ATAD3B: variants seen among roughly 807,000 people sequenced by gnomAD.
ATAD3B encodes the protein ATPase family AAA domain-containing protein 3B.
In ATAD3B, 59 loss-of-function variants were observed where a neutral mutation model predicts 70.2. The observed-to-expected ratio is 0.84, with a 90% CI of 0.68 to 1.04. ATAD3B has a LOEUF of 1.04. Among genes scored for constraint, ATAD3B ranks in the 50% least tolerant of loss-of-function variants. ATAD3B has a pLI of 0.00. For synonymous variants in ATAD3B, 423 were observed against 388.6 expected (o/e 1.09, Z -1.04); for missense variants, 961 against 913.4 (o/e 1.05, Z -0.67).
intron 1 of ATAD3B, among the ~76,000 whole-genome samples, chr1:1,474,181 CTTTT>C (rs1311151288): frequency 6.8e-6 from 1 of 147,976 alleles, no homozygotes; most frequent in East Asian, 2.0e-4. Flanking sequence ...GGTAATTTTT[CTTTT>C]TTCTTTTCTT....
At chr1:1,482,834 T>C in intron 7 of ATAD3B, 1 of 669,158 alleles carries the variant, frequency 1.5e-6, no homozygotes, top group Non-Finnish European at 2.6e-6. Context: ...TGAGACCCCA[T>C]CTCTACGAAG....
chr1:1,498,186 C>A (rs1192029608), downstream of ATAD3B, among the ~76,000 whole-genome samples: 1 of 152,042 alleles, frequency 6.6e-6, no homozygotes, highest in East Asian at 1.9e-4. Context: ...GACTGTAATC[C>A]CAGCTACTCG....
intron 1 of ATAD3B, among the ~76,000 whole-genome samples, chr1:1,476,284 A>G (rs1639584494): frequency 6.8e-6 from 1 of 147,898 alleles, no homozygotes; most frequent in Non-Finnish European, 1.5e-5. Context: ...CCTCTGTCTA[A>G]ATGCAACGAG....
rs780244099 is a variant in ATAD3B, at chr1:1,486,500, C to T, written c.1090-44C>T. 5 of 1,611,728 alleles carry T rather than the reference C, an allele frequency of 3.1e-6. No individual in the cohort carries two copies. The South Asian group carries it at 5.5e-5, about 18-fold the overall frequency. On this transcript the variant is annotated intron_variant, in intron 10 of 15. Transcript: ENST00000673477. ...GTGGAGTGTGCAGGCTTTGCAGAGG[C>T]AGAGGGAACATCTGTTCTGTCTCCC...
Position 1,490,646 on chromosome 1 carries a change from T to A in ATAD3B, c.1589T>A (p.Ile530Asn), listed in dbSNP as rs1449196239. 1 of 1,601,254 alleles carries A rather than the reference T, an allele frequency of 6.2e-7. No individual in the cohort carries two copies. Among genetic ancestry groups the A allele is most frequent in the South Asian group, 1.1e-5 (1 of 89,218 alleles). The change falls in exon 15 of 16, where the codon ATC (isoleucine) becomes AAC (asparagine). Residue 530 changes from isoleucine (I) to asparagine (N), a missense_variant. Ile to Asn is a moderately radical substitution (Grantham distance 149). Transcript: ENST00000673477. ...ACGGAGGGCATGTCGGGCCGGGAGA[T>A]CGCTCAGCTGGCCGTGTCCTGGCAG... Reference protein sequence around the residue: ...RLTEGMSGREIAQLAVSWQAT... With the variant: ...RLTEGMSGRENAQLAVSWQAT...
In ATAD3B at chr1:1,495,467, T is replaced by C; in HGVS notation, c.1615-18T>C. On this transcript the variant is annotated intron_variant, in intron 15 of 15. Coordinates refer to ENST00000673477, the MANE Select transcript of ATAD3B (RefSeq NM_031921.6). ...GGTTCCCATAGCGGCCTCCCTCAGC[T>C]CCCTCTCTCTTCACTAGGCCACGGC... 6.3e-7 allele frequency: 1 copy of C among 1,583,312 alleles called. No individual in the cohort carries two copies. The highest frequency in any genetic ancestry group is 1.3e-5 in the African/African-American group (1 of 74,346).
At chr1:1,508,744 G>A in the ATAD3B span, among the ~76,000 whole-genome samples, 2,160 of 150,698 alleles carry the variant, frequency 0.014, 98 homozygotes, top group African/African-American at 0.05. Context: ...GGTGGGGCAG[G>A]GGTGGCCTTG....
intron 5 of ATAD3B, among the ~76,000 whole-genome samples, chr1:1,481,654 C>T (rs1454074887): frequency 7.4e-6 from 1 of 135,722 alleles, no homozygotes; most frequent in African/African-American, 2.9e-5. Flanking sequence ...TCACGCGTGT[C>T]TGAGTTCTGA....
At chr1:1,503,345 T>G in the ATAD3B span, 1 of 489,434 alleles carries the variant, frequency 2.0e-6, no homozygotes, top group Admixed American at 3.2e-5. Context: ...GCCTTCCTGA[T>G]GTGGCTCTCC....
At chr1:1,505,192 G>C in the ATAD3B span, among the ~76,000 whole-genome samples, 5 of 152,138 alleles carry the variant, frequency 3.3e-5, no homozygotes, top group Admixed American at 1.3e-4. Flanking sequence ...CCAGTGATAG[G>C]TAAGGTCACG....
At chr1:1,483,455 G>C (rs143564877) in intron 7 of ATAD3B, 1 of 201,892 alleles carries the variant, frequency 5.0e-6, no homozygotes, top group African/African-American at 2.4e-5. Flanking sequence ...GAAGAAGAGC[G>C]AAACTCTGTC....
At chr1:1,474,027 G>A (rs1304723240) in intron 1 of ATAD3B, among the ~76,000 whole-genome samples, 8 of 151,884 alleles carry the variant, frequency 5.3e-5, no homozygotes, top group Admixed American at 5.3e-4. Context: ...AACATGGATA[G>A]TCCTAGCTGG....
chr1:1,491,993 C>T (rs1288892567), intron 15 of ATAD3B, among the ~76,000 whole-genome samples: 14 of 151,858 alleles, frequency 9.2e-5, no homozygotes, highest in Non-Finnish European at 1.9e-4. Flanking sequence ...CAGGACCAGC[C>T]TGGAAAGCAA....
intron 15 of ATAD3B, among the ~76,000 whole-genome samples, chr1:1,494,175 G>T (rs1640666146): frequency 1.3e-5 from 2 of 150,142 alleles, no homozygotes; most frequent in Admixed American, 1.3e-4. Context: ...CCGCGACCAG[G>T]TTTTGCCCCA....
the ATAD3B span, among the ~76,000 whole-genome samples, chr1:1,505,974 T>G: frequency 6.6e-6 from 1 of 152,178 alleles, no homozygotes; most frequent in Admixed American, 6.5e-5. Context: ...GGCTCATGGC[T>G]GTAATCCCAG....
In ATAD3B at chr1:1,474,352, G is replaced by A. The variant is rs1153098; in HGVS notation, c.205+2263G>A. Among the ~76,000 whole-genome samples the A allele has an allele frequency of 6.5e-3, 986 of 151,108 alleles. 10 individuals carry two copies. Among genetic ancestry groups the A allele is most frequent in the African/African-American group, 0.022 (902 of 41,162 alleles). Reference sequence around the variant, plus strand: ...ACTACAAGTGCCCGCCGCCACGCCCGGCTAATTTTTTGTATTTTTTTTAGA... The same window carrying A: ...ACTACAAGTGCCCGCCGCCACGCCCAGCTAATTTTTTGTATTTTTTTTAGA... On this transcript the variant is annotated intron_variant, in intron 1 of 15. Transcript: ENST00000673477.
At chr1:1,477,170 C>T in intron 1 of ATAD3B, 104 bp from the exon 2 acceptor site, 1 of 1,456,810 alleles carries the variant, frequency 6.9e-7, no homozygotes, top group Non-Finnish European at 9.4e-7. Flanking sequence ...CACCGCTTCC[C>T]ACTAGGTTTT....
At position 1,487,867 on chromosome 1, in the gene ATAD3B, C is replaced by A. The variant is rs147191465; in HGVS notation, c.1219C>A (p.Leu407Met). The A allele has an allele frequency of 5.0e-6, 8 of 1,613,038 alleles. No individual in the cohort carries two copies. The African/African-American group carries it at 1.1e-4, about 22-fold the overall frequency. Residue 407 changes from leucine (L) to methionine (M), a missense_variant, in exon 12 of 16, where the codon CTG (leucine) becomes ATG (methionine). This residue lies in a region of ATAD3B where 417 missense variants were observed against 335.0 expected (regional missense o/e 1.24). Coordinates refer to ENST00000673477, the MANE Select transcript of ATAD3B (RefSeq NM_031921.6). ...DWANTSRRGLLLFMDEADAFL... is the reference protein window; with the variant it reads ...DWANTSRRGLMLFMDEADAFL... The stretch of plus-strand genomic sequence containing the variant: ...TGGCCTCTCTCTCGTTCACAGCCTC[C>A]TGCTCTTCATGGATGAAGCAGACGC...
downstream of ATAD3B, chr1:1,497,873 A>G (rs1353067634): frequency 1.3e-5 from 2 of 150,014 alleles, no homozygotes; most frequent in Admixed American, 1.3e-4. Flanking sequence ...AAAAAAAAAA[A>G]GCCCTGATGG....
Sources: allele counts gnomAD v4.1 joint callset (sites outside exome capture counted in the v4.1 genomes callset), GRCh38; gene constraint gnomAD v4.1.1; regional missense constraint gnomAD v4.1.1; transcripts MANE v1.5; gene names NCBI Gene and HGNC (gene_info 2026-07-23, HGNC 2026-07-21).